The following GSK3B variants were observed in gnomAD, a reference collection of about 807,000 sequenced individuals.
GSK3B encodes the protein glycogen synthase kinase-3 beta.
In GSK3B, 15 loss-of-function variants were observed where a neutral mutation model predicts 56.4. That is an observed-to-expected ratio of 0.27 (90% confidence interval 0.18 to 0.41). GSK3B has a LOEUF of 0.41. Ranked by LOEUF, GSK3B falls within the 10% of genes least tolerant of loss-of-function variation. The probability of loss-of-function intolerance (pLI) is 1.00; values close to 1 mark genes in which losing one functional copy is unlikely to be tolerated. For missense variants in GSK3B, 300 were observed against 513.4 expected (o/e 0.58, Z 4.02); for synonymous variants, 181 against 188.9 (o/e 0.96, Z 0.34).
At chr3:119,863,737 T>C (rs1201258943) in intron 8 of GSK3B, 132 bp from the exon 9 acceptor site, 9 of 603,714 alleles carry the variant, frequency 1.5e-5, no homozygotes, top group East Asian at 5.7e-5. Flanking sequence ...CCTTCTAGAA[T>C]GGAAAGAGTT....
chr3:120,085,673 A>G lies in GSK3B; in HGVS notation c.88+7674T>C, dbSNP rs151266821. Among the ~76,000 whole-genome samples, 1,194 of 152,262 alleles carry G rather than the reference A, an allele frequency of 7.8e-3. 16 individuals are homozygous for G. The highest frequency in any genetic ancestry group is 0.025 in the African/African-American group (1,040 of 41,552). ...AAAAATTAGCGGGGAATGGTGGCAT[A>G]TGCCTGTAATCCCAGCTACTCAGGA... is the stretch of plus-strand genomic sequence containing the variant. On this transcript the variant is annotated intron_variant, in intron 1 of 10. Coordinates refer to ENST00000264235, the MANE Select transcript of GSK3B (RefSeq NM_001146156.2).
At chr3:119,882,963 G>A (rs553984815) in intron 7 of GSK3B, among the ~76,000 whole-genome samples, 1 of 152,216 alleles carries the variant, frequency 6.6e-6, no homozygotes, top group Admixed American at 6.5e-5. Context: ...CCTGTAAATA[G>A]AATTGTTGGT....
At chr3:120,021,465 G>A (rs1275177225) in intron 1 of GSK3B, among the ~76,000 whole-genome samples, 2 of 151,722 alleles carry the variant, frequency 1.3e-5, no homozygotes, top group East Asian at 1.9e-4. Context: ...GCAGTGAGCC[G>A]AGATTGCGCC....
At chr3:120,004,717 G>A (rs982173947) in intron 1 of GSK3B, among the ~76,000 whole-genome samples, 3 of 152,094 alleles carry the variant, frequency 2.0e-5, no homozygotes, top group Non-Finnish European at 4.4e-5. Flanking sequence ...AAACAGAAAG[G>A]AACAGCATCA....
At chr3:119,869,129 C>G (rs1204364081) in intron 8 of GSK3B, among the ~76,000 whole-genome samples, 2 of 130,480 alleles carry the variant, frequency 1.5e-5, no homozygotes, top group Admixed American at 2.0e-4. Flanking sequence ...GAGGCTGAGG[C>G]AGGAGAATTG....
chr3:119,936,771 A>G (rs1305086008), intron 3 of GSK3B, among the ~76,000 whole-genome samples: 1 of 151,996 alleles, frequency 6.6e-6, no homozygotes, highest in African/African-American at 2.4e-5. Context: ...TAGAAGGGAG[A>G]AATGGGCAGC....
chr3:119,972,772 T>A (rs539406129), intron 2 of GSK3B, among the ~76,000 whole-genome samples: 5 of 152,296 alleles, frequency 3.3e-5, no homozygotes, highest in South Asian at 2.1e-4. Flanking sequence ...ATGGATTTTT[T>A]AAGCAATTAT....
rs1577295366 is a variant in GSK3B, at chr3:119,825,234, C to T, written c.*1554G>A. ...AAAGTTCATTTTAGAGTATATAAGG[C>T]CCACATAGATGCCAACCTTAAAAGT... On this transcript the variant is annotated 3_prime_UTR_variant, in exon 11 of 11. Transcript: ENST00000264235. 3 of 228,028 alleles carry T rather than the reference C, an allele frequency of 1.3e-5. No individual in the cohort carries two copies. The highest frequency in any genetic ancestry group is 3.7e-4 in the South Asian group (2 of 5,474). The allele number at this position is 228,028 out of a possible 1,614,324, so 14.1% of individuals were successfully genotyped here.
intron 1 of GSK3B, among the ~76,000 whole-genome samples, chr3:120,079,576 G>T (rs2058400048): frequency 6.6e-6 from 1 of 151,596 alleles, no homozygotes; most frequent in South Asian, 2.1e-4. Flanking sequence ...TGTATTTTTA[G>T]TAGATATGAG....
Position 120,056,073 on chromosome 3 carries a change from A to G in GSK3B, c.88+37274T>C, listed in dbSNP as rs72969184. On this transcript the variant is annotated intron_variant, in intron 1 of 10. Coordinates refer to ENST00000264235, the MANE Select transcript of GSK3B (RefSeq NM_001146156.2). ...TACACATCATGTGATACTGCAACAG[A>G]TTAAATGCAGAGGCATATACAGAAT... Among the ~76,000 whole-genome samples, 1,097 of 152,328 alleles carry G rather than the reference A, an allele frequency of 7.2e-3. 9 individuals are homozygous for G. Among genetic ancestry groups the G allele is most frequent in the African/African-American group, 0.025 (1,037 of 41,566 alleles).
At chr3:119,875,960 G>A (rs2056306977) in intron 8 of GSK3B, among the ~76,000 whole-genome samples, 1 of 152,008 alleles carries the variant, frequency 6.6e-6, no homozygotes, top group Non-Finnish European at 1.5e-5. Flanking sequence ...CAAAATGCCA[G>A]TAGGAAAGTA....
chr3:120,041,488 T>C, intron 1 of GSK3B: 1 of 246,800 alleles, frequency 4.1e-6, no homozygotes, highest in South Asian at 6.4e-5. Flanking sequence ...GTGATCATTG[T>C]TGGCTACCCC....
At chr3:119,942,125 C>G (rs2057054955) in intron 3 of GSK3B, among the ~76,000 whole-genome samples, 1 of 152,148 alleles carries the variant, frequency 6.6e-6, no homozygotes, top group Non-Finnish European at 1.5e-5. Context: ...TTTGAACAGT[C>G]TCTCACAAAG....
chr3:119,986,947 C>G (rs559893251), intron 2 of GSK3B, among the ~76,000 whole-genome samples: 5 of 152,282 alleles, frequency 3.3e-5, no homozygotes, highest in African/African-American at 1.2e-4. Flanking sequence ...CAATGATAGA[C>G]TGGATTAAGA....
Position 120,094,441 on chromosome 3 carries a change from T to C in GSK3B, c.-1007A>G. The C allele has an allele frequency of 3.7e-6, 1 of 273,246 alleles. No homozygotes were observed. The highest frequency in any genetic ancestry group is 6.9e-6 in the Non-Finnish European group (1 of 144,406). 16.9% of individuals were successfully genotyped at this position (273,246 alleles called of 1,614,324 possible). ...CGCATTCGCCCGGGTCAGGAGCTGC[T>C]CTGTGTGAGGAGCGCTGTCTGCGCA... is the stretch of plus-strand genomic sequence containing the variant. On this transcript the variant is annotated 5_prime_UTR_variant, in exon 1 of 11. Coordinates refer to ENST00000264235, the MANE Select transcript of GSK3B (RefSeq NM_001146156.2).
At chr3:119,829,931 A>G (rs2055572478) in intron 10 of GSK3B, among the ~76,000 whole-genome samples, 4 of 152,264 alleles carry the variant, frequency 2.6e-5, no homozygotes, top group Non-Finnish European at 5.9e-5. Flanking sequence ...CGAAAGTCAC[A>G]GTCCTACAGA....
intron 1 of GSK3B, among the ~76,000 whole-genome samples, chr3:120,090,721 CTAT>C (rs1046149504): frequency 4.6e-5 from 7 of 152,172 alleles, no homozygotes; most frequent in African/African-American, 1.7e-4. Context: ...CATCTCTCTA[CTAT>C]AATTCACTAA....
intron 1 of GSK3B, among the ~76,000 whole-genome samples, chr3:120,027,554 T>C (rs550190944): frequency 6.6e-6 from 1 of 152,322 alleles, no homozygotes; most frequent in African/African-American, 2.4e-5. Flanking sequence ...CCAATCCAGA[T>C]GTCCAATAGC....
intron 2 of GSK3B, among the ~76,000 whole-genome samples, chr3:119,953,306 G>C (rs975623001): frequency 2.6e-5 from 4 of 151,960 alleles, no homozygotes; most frequent in African/African-American, 9.7e-5. Flanking sequence ...GAGAGATATA[G>C]AAAACAAAGA....
Sources: allele counts gnomAD v4.1 joint callset (sites outside exome capture counted in the v4.1 genomes callset), GRCh38; gene constraint gnomAD v4.1.1; transcripts MANE v1.5; gene names NCBI Gene and HGNC (gene_info 2026-07-23, HGNC 2026-07-21).